The following PHEX variants were observed in gnomAD, a reference collection of about 807,000 sequenced individuals.
The protein encoded by PHEX is phosphate-regulating neutral endopeptidase PHEX.
Under a neutral mutation model 68.0 loss-of-function variants are expected in PHEX, and 16 were observed. That is an observed-to-expected ratio of 0.24 (90% CI 0.16 to 0.36). The LOEUF (loss-of-function observed/expected upper bound fraction) is 0.36, where lower values mean the gene tolerates loss of function less well. Ranked by LOEUF, PHEX falls within the 10% of genes least tolerant of loss-of-function variation. The pLI, the probability that PHEX is intolerant of heterozygous loss-of-function variation, is 1.00. For missense variants in PHEX, 480 were observed against 575.5 expected, an observed-to-expected ratio of 0.83 and a Z score of 1.70; for synonymous variants, 208 against 205.1, an observed-to-expected ratio of 1.01 and a Z score of -0.12.
At chrX:22,201,257 A>G (rs899480609) in intron 15 of PHEX, among the ~76,000 whole-genome samples, 1 of 111,104 alleles carries the variant, frequency 9.0e-6, no homozygotes, top group African/African-American at 3.3e-5. Flanking sequence ...GCTTACTGCA[A>G]CCTTCACCTC....
rs1936453680 is a variant in PHEX at position 22,248,366 on chromosome X, G to T, written c.*413G>T. 1 of 171,762 alleles carries T rather than the reference G, an allele frequency of 5.8e-6. No homozygotes were observed. Among genetic ancestry groups the T allele is most frequent in the African/African-American group, 3.0e-5 (1 of 33,487 alleles). 14.2% of individuals were successfully genotyped at this position (171,762 alleles called of 1,213,427 possible). ...ATTAAACTTGTAGCCTCTCAATGAT[G>T]AAGACATGTGCATGAATACCTGGGA... is the stretch of plus-strand genomic sequence containing the variant. On this transcript the variant is annotated 3_prime_UTR_variant, in exon 22 of 22. Coordinates refer to ENST00000379374, the MANE Select transcript of PHEX (RefSeq NM_000444.6).
At chrX:22,226,908 G>A (rs1294628726) in intron 19 of PHEX, among the ~76,000 whole-genome samples, 1 of 111,269 alleles carries the variant, frequency 9.0e-6, no homozygotes, top group African/African-American at 3.3e-5. Context: ...ATTATGACCA[G>A]AGGGTAGTGG....
chrX:22,078,366 A>G (rs1194391893), intron 5 of PHEX, among the ~76,000 whole-genome samples: 1 of 112,271 alleles, frequency 8.9e-6, no homozygotes, highest in Non-Finnish European at 1.9e-5. Flanking sequence ...GAGCTATGCA[A>G]GAATTCAAAT....
At chrX:22,163,257 G>A (rs1457035284) in intron 12 of PHEX, 2 of 111,757 alleles carry the variant, frequency 1.8e-5, no homozygotes, top group Non-Finnish European at 3.8e-5. Context: ...TCATTGGCCC[G>A]AATCTCATCC....
At chrX:22,174,379 C>T (rs1569418878) in intron 13 of PHEX, among the ~76,000 whole-genome samples, 1 of 112,098 alleles carries the variant, frequency 8.9e-6, no homozygotes, top group Non-Finnish European at 1.9e-5. Context: ...AAAAATAGAA[C>T]TTTCTCAATA....
chrX:22,081,415 G>C (rs948210171), intron 5 of PHEX, among the ~76,000 whole-genome samples: 9 of 111,740 alleles, frequency 8.1e-5, no homozygotes, highest in African/African-American at 2.9e-4. Context: ...TCCTCTTTCT[G>C]CTCTGGGAGA....
chrX:22,247,340 A>G (rs1235015743), intron 21 of PHEX, among the ~76,000 whole-genome samples: 1 of 112,298 alleles, frequency 8.9e-6, no homozygotes, highest in East Asian at 2.8e-4. Flanking sequence ...CATACCATGG[A>G]TTCCATTCAC....
chrX:22,077,598 C>T lies in PHEX; in HGVS notation c.559C>T (p.Leu187Phe). The change falls in exon 5 of 22, where the codon CTT (leucine) becomes TTT (phenylalanine). Residue 187 changes from leucine (L) to phenylalanine (F), a missense_variant. Coordinates refer to ENST00000379374, the MANE Select transcript of PHEX (RefSeq NM_000444.6). ...GGTTTGGTCAGAGAGAAAGTTCAGCCTTCTGCAGACACTTGCAACGTTTCG... is the reference window on the plus strand; with the variant it reads ...GGTTTGGTCAGAGAGAAAGTTCAGCTTTCTGCAGACACTTGCAACGTTTCG... Reference protein sequence around the residue: ...EGVWSERKFSLLQTLATFRGQ... With the variant: ...EGVWSERKFSFLQTLATFRGQ... 1 of 1,210,898 alleles carries T rather than the reference C, an allele frequency of 8.3e-7. No individual in the cohort carries two copies. The highest frequency in any genetic ancestry group is 1.1e-6 in the Non-Finnish European group (1 of 894,687).
intron 9 of PHEX, among the ~76,000 whole-genome samples, chrX:22,104,871 G>C (rs1181594997): frequency 1.1e-5 from 1 of 93,495 alleles, no homozygotes; most frequent in Non-Finnish European, 2.0e-5. Flanking sequence ...GTTTTCTTTT[G>C]TTGTTGTTGT....
intron 12 of PHEX, among the ~76,000 whole-genome samples, chrX:22,139,024 T>C (rs1932347292): frequency 8.9e-6 from 1 of 112,009 alleles, no homozygotes; most frequent in East Asian, 2.8e-4. Context: ...GTCAGGAGTA[T>C]AGACAGGTGA....
chrX:22,234,902 T>C, intron 20 of PHEX, among the ~76,000 whole-genome samples: 1 of 111,275 alleles, frequency 9.0e-6, no homozygotes, highest in Non-Finnish European at 1.9e-5. Context: ...GTTGGGTGTC[T>C]GCCCAAATGG....
At chrX:22,072,858 G>A (rs1294433874) in intron 3 of PHEX, among the ~76,000 whole-genome samples, 2 of 111,808 alleles carry the variant, frequency 1.8e-5, no homozygotes, top group African/African-American at 6.5e-5. Context: ...TCTGTATGTT[G>A]TATTATTTGT....
chrX:22,045,235 A>G (rs1409483976), intron 2 of PHEX, among the ~76,000 whole-genome samples: 2 of 112,078 alleles, frequency 1.8e-5, no homozygotes, highest in Non-Finnish European at 3.8e-5. Context: ...TAAGATATGT[A>G]TCTAAATTGA....
chrX:22,200,599 A>T lies in PHEX; in HGVS notation c.1645+10097A>T, dbSNP rs188608646. Reference sequence around the variant, plus strand: ...ACTCCAGTCTGGGTGACAGAGTGAGACTCTGTCTCAAAAATAAAAATAAAA... The same window carrying T: ...ACTCCAGTCTGGGTGACAGAGTGAGTCTCTGTCTCAAAAATAAAAATAAAA... On this transcript the variant is annotated intron_variant, in intron 15 of 21. Coordinates refer to ENST00000379374, the MANE Select transcript of PHEX (RefSeq NM_000444.6). Among the ~76,000 whole-genome samples, 256 of 110,861 alleles carry T rather than the reference A, an allele frequency of 2.3e-3. 8 individuals carry two copies. The Admixed American group carries it at 0.024, about 10-fold the overall frequency.
intron 15 of PHEX, among the ~76,000 whole-genome samples, chrX:22,209,852 A>T (rs764037084): frequency 9.4e-6 from 1 of 106,736 alleles, no homozygotes; most frequent in East Asian, 2.9e-4. Context: ...AGAGACATTT[A>T]CACTGTGAGG....
In PHEX at chrX:22,142,106, G is replaced by T. The variant is rs189430200; in HGVS notation, c.1404+8482G>T. Among the ~76,000 whole-genome samples, 130 of 111,270 alleles carry T rather than the reference G, an allele frequency of 1.2e-3. 1 individual carries two copies. The East Asian group carries it at 0.029, about 25-fold the overall frequency. ...TCTCTACTAAAAATACAAAAAATTA[G>T]CCGGGTGTGGTGGCAGGCGCCTGTA... On this transcript the variant is annotated intron_variant, in intron 12 of 21. Transcript: ENST00000379374.
intron 12 of PHEX, among the ~76,000 whole-genome samples, chrX:22,144,097 C>T (rs1932576288): frequency 9.0e-6 from 1 of 111,533 alleles, no homozygotes; most frequent in African/African-American, 3.3e-5. Flanking sequence ...TCTCAGTTTC[C>T]TCACTCATGA....
intron 7 of PHEX, among the ~76,000 whole-genome samples, chrX:22,094,749 C>T (rs1188514717): frequency 8.9e-6 from 1 of 112,114 alleles, no homozygotes; most frequent in Non-Finnish European, 1.9e-5. Context: ...ATGTAAATTA[C>T]CTTAACTTCT....
chrX:22,148,479 T>C lies in PHEX; in HGVS notation c.1404+14855T>C, dbSNP rs141922333. Among the ~76,000 whole-genome samples the C allele has an allele frequency of 3.3e-3, 365 of 112,089 alleles. 1 individual carries two copies. The highest frequency in any genetic ancestry group is 0.011 in the African/African-American group (342 of 30,880). On this transcript the variant is annotated intron_variant, in intron 12 of 21. Transcript: ENST00000379374. ...CCATCACTTCACAAACTTATTTTTT[T>C]GGTAAGAACATTAAAAATCTATTAT...
Sources: gnomAD v4.1 joint callset for allele counts (sites outside exome capture counted in the v4.1 genomes callset) on GRCh38, gnomAD v4.1.1 for gene constraint, MANE v1.5 for transcripts, NCBI Gene and HGNC (gene_info 2026-07-23, HGNC 2026-07-21) for gene names.